AXIN2: variants seen among roughly 807,000 people sequenced by gnomAD.
AXIN2 encodes axin-2.
Under a neutral mutation model 74.7 loss-of-function variants are expected in AXIN2, and 21 were observed. That is an observed-to-expected ratio of 0.28 (90% CI 0.20 to 0.40). The LOEUF is 0.40. Ranked by LOEUF, AXIN2 falls within the 10% of genes least tolerant of loss-of-function variation. AXIN2 has a pLI of 1.00. For synonymous variants in AXIN2, 532 were observed against 454.9 expected, an observed-to-expected ratio of 1.17 and a Z score of -2.16; for missense variants, 1,144 against 1,111.1, an observed-to-expected ratio of 1.03 and a Z score of -0.42.
chr17:65,531,253 G>C (rs772274099), intron 10 of AXIN2, among the ~76,000 whole-genome samples: 8 of 151,848 alleles, frequency 5.3e-5, no homozygotes, highest in Non-Finnish European at 7.4e-5. Context: ...CTTTAATAAA[G>C]GCAAGCCAAA....
rs2044175896 is a variant in AXIN2 at position 65,550,469 on chromosome 17, G to A, written c.816-809C>T. Among the ~76,000 whole-genome samples, 6 of 152,276 alleles carry A rather than the reference G, an allele frequency of 3.9e-5. No homozygotes were observed. The South Asian group carries it at 1.2e-3, about 32-fold the overall frequency. ...TCCTGATCTCCTTCCAGAACAACCA[G>A]TGTGCACATCTCCTGCTGGGCCGCA... On this transcript the variant is annotated intron_variant, in intron 2 of 10. Transcript: ENST00000307078.
Position 65,536,572 on chromosome 17 carries a change from G to T in AXIN2, c.1908-19C>A. Reference sequence around the variant, plus strand: ...TTGGGCACTAAACAAGGAATGAGCAGAGAGAAAACAGAAGGAAAGAAACTG... The same window carrying T: ...TTGGGCACTAAACAAGGAATGAGCATAGAGAAAACAGAAGGAAAGAAACTG... On this transcript the variant is annotated intron_variant, in intron 7 of 10. Coordinates refer to ENST00000307078, the MANE Select transcript of AXIN2 (RefSeq NM_004655.4). 6.2e-7 allele frequency: 1 copy of T among 1,612,492 alleles called. No homozygotes were observed. The highest frequency in any genetic ancestry group is 8.5e-7 in the Non-Finnish European group (1 of 1,179,002).
intron 2 of AXIN2, among the ~76,000 whole-genome samples, chr17:65,552,689 G>A (rs2044210824): frequency 1.3e-5 from 2 of 152,088 alleles, no homozygotes; most frequent in African/African-American, 4.8e-5. Context: ...AGTAATTTGG[G>A]GGAAATCACA....
chr17:65,549,012 A>G (rs1286624429), intron 3 of AXIN2, among the ~76,000 whole-genome samples: 1 of 152,144 alleles, frequency 6.6e-6, no homozygotes, highest in African/African-American at 2.4e-5. Flanking sequence ...AACATTACAC[A>G]CTGTGGCTCT....
intron 9 of AXIN2, 72 bp from the exon 10 acceptor site, chr17:65,534,151 G>A (rs1265764558): frequency 1.9e-6 from 3 of 1,547,278 alleles, no homozygotes; most frequent in Non-Finnish European, 2.7e-6. Flanking sequence ...ACACACACGT[G>A]CGCACATGTG....
intron 10 of AXIN2, 141 bp from the exon 11 acceptor site, chr17:65,530,243 C>A: frequency 8.6e-7 from 1 of 1,168,376 alleles, no homozygotes; most frequent in Non-Finnish European, 1.2e-6. Context: ...CGCACATCTG[C>A]TTTAAGACGG....
intron 2 of AXIN2, among the ~76,000 whole-genome samples, chr17:65,555,665 C>G (rs375628578): frequency 6.6e-6 from 1 of 152,072 alleles, no homozygotes; most frequent in East Asian, 1.9e-4. Context: ...TGGTGCCCAC[C>G]CATTTTACAG....
rs372841853 is a variant in AXIN2, at chr17:65,537,668, G to A, written c.1368C>T (p.Gly456=). ...VLKTPGCQSP[G]VGRYSPRSRS... ...GGGAGCGGGGGCTATAGCGGCCTAC[G>A]CCTGGAGACTGGCAGCCAGGGGTCT... The change falls in exon 6 of 11, where the codon GGC becomes GGT. Residue 456 remains glycine, a synonymous_variant. Coordinates refer to ENST00000307078, the MANE Select transcript of AXIN2 (RefSeq NM_004655.4). The A allele has an allele frequency of 4.7e-5, 74 of 1,562,026 alleles. No homozygotes were observed. In the African/African-American group the frequency reaches 7.2e-4, roughly 15 times the overall value.
intron 3 of AXIN2, among the ~76,000 whole-genome samples, chr17:65,549,275 G>GT (rs1438579947): frequency 6.6e-6 from 1 of 152,128 alleles, no homozygotes; most frequent in East Asian, 1.9e-4. Flanking sequence ...CTGTCCTTTA[G>GT]TTTTTCTTCT....
At chr17:65,541,591 T>TA (rs749360300) in intron 3 of AXIN2, 34 bp from the exon 4 acceptor site, 1 of 1,573,704 alleles carries the variant, frequency 6.4e-7, no homozygotes, top group Admixed American at 1.7e-5. Context: ...TCCACAGGCT[T>TA]ACGAGGATGT....
intron 10 of AXIN2, among the ~76,000 whole-genome samples, chr17:65,533,403 A>C (rs1330555260): frequency 1.3e-5 from 2 of 152,220 alleles, no homozygotes; most frequent in African/African-American, 4.8e-5. Flanking sequence ...GGGTAAGAAA[A>C]ACACGGGGGA....
intron 2 of AXIN2, among the ~76,000 whole-genome samples, chr17:65,555,557 T>C (rs2044255167): frequency 6.6e-6 from 1 of 151,886 alleles, no homozygotes; most frequent in Non-Finnish European, 1.5e-5. Flanking sequence ...ATACTAATTA[T>C]AACACTTTGC....
Position 65,561,511 on chromosome 17 carries a change from C to T in AXIN2, c.-178G>A, listed in dbSNP as rs1292579027. ...CCGGGCGGCCCCGAAATCCATCGCT[C>T]TGAGGGGTTATTTTTATTTCCCGGC... On this transcript the variant is annotated 5_prime_UTR_variant, in exon 1 of 11. Transcript: ENST00000307078. The T allele has an allele frequency of 1.3e-5, 2 of 150,570 alleles. No individual in the cohort carries two copies. Among genetic ancestry groups the T allele is most frequent in the African/African-American group, 2.4e-5 (1 of 41,304 alleles). 9.3% of individuals were successfully genotyped at this position (150,570 alleles called of 1,614,324 possible).
chr17:65,530,740 C>T (rs1567750194), intron 10 of AXIN2, among the ~76,000 whole-genome samples: 1 of 152,230 alleles, frequency 6.6e-6, no homozygotes, highest in Non-Finnish European at 1.5e-5. Flanking sequence ...ACAGACGGCA[C>T]TGGCCCCATG....
At chr17:65,557,744 C>T in intron 2 of AXIN2, 62 bp downstream of exon 2, 1 of 1,538,716 alleles carries the variant, frequency 6.5e-7, no homozygotes, top group Non-Finnish European at 9.0e-7. Context: ...CACCCATCCA[C>T]CATACTTAAA....
chr17:65,535,644 G>A lies in AXIN2; in HGVS notation c.2219C>T (p.Pro740Leu), dbSNP rs747903181. 4.3e-6 allele frequency: 7 copies of A among 1,614,144 alleles called. No homozygotes were observed. The East Asian group carries it at 1.1e-4, about 26-fold the overall frequency. Residue 740 changes from proline to leucine, a missense_variant, in exon 9 of 11, where the codon CCA (proline) becomes CTA (leucine). Transcript: ENST00000307078. Reference protein sequence around the residue: ...VQTGATPFSNPSLAPEDHKEP... With the variant: ...VQTGATPFSNLSLAPEDHKEP... ...CACTCACTCTTCTGGAGCCAGGCTT[G>A]GATTGGAGAAGGGTGTGGCTCCCGT...
chr17:65,536,463 G>C lies in AXIN2; in HGVS notation c.1998C>G (p.Asn666Lys). 1 of 1,613,860 alleles carries C rather than the reference G, an allele frequency of 6.2e-7. No homozygotes were observed. The highest frequency in any genetic ancestry group is 1.6e-4 in the Middle Eastern group (1 of 6,062). The change falls in exon 8 of 11, where the codon AAC becomes AAG. Residue 666 changes from asparagine (N) to lysine (K), a missense_variant. By Grantham distance (94) the Asn-to-Lys change is moderately conservative. Transcript: ENST00000307078. ...RASRHHLWGG[N>K]SGHPRTTPRA... is the part of the protein sequence containing the mutation. Reference sequence around the variant, plus strand: ...GGGGGGTGGTGCGGGGGTGCCCGCTGTTGCCCCCCCACAGATGGTGCCGGC... The same window carrying C: ...GGGGGGTGGTGCGGGGGTGCCCGCTCTTGCCCCCCCACAGATGGTGCCGGC...
chr17:65,549,000 G>A (rs534538488), intron 3 of AXIN2, among the ~76,000 whole-genome samples: 6 of 152,126 alleles, frequency 3.9e-5, no homozygotes, highest in East Asian at 3.9e-4. Flanking sequence ...AAAACAATGC[G>A]GAACATTACA....
chr17:65,548,726 G>A (rs773086028), intron 3 of AXIN2, among the ~76,000 whole-genome samples: 3 of 152,164 alleles, frequency 2.0e-5, no homozygotes, highest in Non-Finnish European at 4.4e-5. Flanking sequence ...ACTCACTGAG[G>A]ATCACTGCTG....
Sources: allele counts gnomAD v4.1 joint callset (sites outside exome capture counted in the v4.1 genomes callset), GRCh38; gene constraint gnomAD v4.1.1; transcripts MANE v1.5; gene names NCBI Gene and HGNC (gene_info 2026-07-23, HGNC 2026-07-21).